EHMT1: variants seen among roughly 807,000 people sequenced by gnomAD.
EHMT1 encodes euchromatic histone lysine methyltransferase 1.
A neutral mutation model predicts 147.2 loss-of-function variants in EHMT1; 15 were observed. The observed-to-expected ratio is 0.10, with a 90% CI of 0.07 to 0.16. The LOEUF is 0.16. EHMT1 is among the 10% of genes least tolerant of loss of function. The pLI, the probability that EHMT1 is intolerant of heterozygous loss-of-function variation, is 1.00. For synonymous variants in EHMT1, 795 were observed against 709.6 expected, an observed-to-expected ratio of 1.12 and a Z score of -1.91; for missense variants, 1,587 against 1,772.4, an observed-to-expected ratio of 0.90 and a Z score of 1.88.
At chr9:137,814,311 G>T in intron 21 of EHMT1, 120 bp from the exon 22 acceptor site, 1 of 1,053,176 alleles carries the variant, frequency 9.5e-7, no homozygotes, top group Admixed American at 1.7e-5. Context: ...CTCACGTGGT[G>T]CCTTTGAGAA....
intron 1 of EHMT1, among the ~76,000 whole-genome samples, chr9:137,647,051 A>G (rs1349762951): frequency 6.6e-6 from 1 of 152,072 alleles, no homozygotes; most frequent in Non-Finnish European, 1.5e-5. Flanking sequence ...AGCAAAAAAA[A>G]CCTGGGATTA....
rs1393360591 is a variant in EHMT1, at chr9:137,787,623, G to A, written c.2383-3225G>A. On this transcript the variant is annotated intron_variant, in intron 15 of 26. Coordinates refer to ENST00000460843, the MANE Select transcript of EHMT1 (RefSeq NM_024757.5). The surrounding 1 kb of genome is among the most constrained non-coding windows in gnomAD (Gnocchi z 4.2). ...CGCCTTGGCTCCCTGGCAACAAGCTGGGGGTGGAAGCGGGAGGGAGGAGGG... is the reference window on the plus strand; with the variant it reads ...CGCCTTGGCTCCCTGGCAACAAGCTAGGGGTGGAAGCGGGAGGGAGGAGGG... 14 of 526,620 alleles carry A rather than the reference G, an allele frequency of 2.7e-5. No individual in the cohort carries two copies. Among genetic ancestry groups the A allele is most frequent in the African/African-American group, 2.5e-4 (13 of 52,140 alleles). 32.6% of individuals were successfully genotyped at this position (526,620 alleles called of 1,614,324 possible).
Position 137,813,184 on chromosome 9 carries a change from C to A in EHMT1, c.3035+11C>A. Reference sequence around the variant, plus strand: ...GAGGATAGTGAGCAGGTGAGCCCAGCCCCAGGACGGCTTTGTGGCAAATCA... The same window carrying A: ...GAGGATAGTGAGCAGGTGAGCCCAGACCCAGGACGGCTTTGTGGCAAATCA... On this transcript the variant is annotated intron_variant, in intron 20 of 26. Coordinates refer to ENST00000460843, the MANE Select transcript of EHMT1 (RefSeq NM_024757.5). The surrounding 1 kb of genome is among the most constrained non-coding windows in gnomAD (Gnocchi z 4.9). 3 of 1,606,858 alleles carry A rather than the reference C, an allele frequency of 1.9e-6. No individual in the cohort carries two copies. Among genetic ancestry groups the A allele is most frequent in the East Asian group, 2.2e-5 (1 of 44,874 alleles).
intron 1 of EHMT1, among the ~76,000 whole-genome samples, chr9:137,682,177 T>C (rs1231746169): frequency 1.3e-5 from 2 of 152,136 alleles, no homozygotes; most frequent in African/African-American, 4.8e-5. Flanking sequence ...CTCAATCTCC[T>C]GACCTCATGA....
intron 6 of EHMT1, chr9:137,748,035 A>G (rs1259430515): frequency 6.6e-6 from 1 of 151,884 alleles, no homozygotes; most frequent in Non-Finnish European, 1.5e-5. Context: ...ATTTATTTAT[A>G]TTATTAGTTA....
At chr9:137,711,375 T>TA (rs1944702968) in intron 2 of EHMT1, among the ~76,000 whole-genome samples, 1 of 152,124 alleles carries the variant, frequency 6.6e-6, no homozygotes, top group African/African-American at 2.4e-5. Flanking sequence ...CCTCAGTTGA[T>TA]AAGGAACTGG....
intron 3 of EHMT1, among the ~76,000 whole-genome samples, chr9:137,720,321 T>A (rs948291867): frequency 6.6e-6 from 1 of 152,034 alleles, no homozygotes; most frequent in East Asian, 1.9e-4. Flanking sequence ...CTTTTTTTTT[T>A]AAGACAGGAT....
At chr9:137,735,574 A>G (rs1307189384) in intron 4 of EHMT1, among the ~76,000 whole-genome samples, 1 of 152,232 alleles carries the variant, frequency 6.6e-6, no homozygotes, top group Non-Finnish European at 1.5e-5. Flanking sequence ...TAAACAGATG[A>G]AGATTTCCAA....
intron 18 of EHMT1, chr9:137,802,883 C>T: frequency 1.6e-6 from 2 of 1,232,226 alleles, no homozygotes; most frequent in Non-Finnish European, 2.0e-6. Flanking sequence ...AGAGAGGAGC[C>T]CTGAGCCGGC....
chr9:137,775,333 C>T lies in EHMT1; in HGVS notation c.1791+81C>T. 6.4e-7 allele frequency: 1 copy of T among 1,564,868 alleles called. No homozygotes were observed. Among genetic ancestry groups the T allele is most frequent in the South Asian group, 1.1e-5 (1 of 87,782 alleles). ...CTGGTGCTGGTTCCTGTCCTGTGTC[C>T]ACCTGCTGTCGGGTGGTCCAGCAGC... On this transcript the variant is annotated intron_variant, in intron 11 of 26. Transcript: ENST00000460843. This position sits in a 1 kb window ranked among gnomAD's most constrained non-coding sequence, Gnocchi z 6.1.
chr9:137,740,168 A>T (rs1249389082), intron 4 of EHMT1, among the ~76,000 whole-genome samples: 1 of 152,016 alleles, frequency 6.6e-6, no homozygotes, highest in African/African-American at 2.4e-5. Context: ...GCAGCTGGGC[A>T]GTGCCCACCC....
chr9:137,634,868 A>ATTTTTTT (rs781056803), intron 1 of EHMT1, among the ~76,000 whole-genome samples: 95 of 92,054 alleles, frequency 1.0e-3, no homozygotes, highest in African/African-American at 4.0e-3. Context: ...TGCCCAGCTA[A>ATTTTTTT]TTTTTTTTTT....
intron 21 of EHMT1, 128 bp from the exon 22 acceptor site, chr9:137,814,303 C>A: frequency 1.0e-6 from 1 of 969,244 alleles, no homozygotes; most frequent in Non-Finnish European, 1.6e-6. Context: ...GCCACACACT[C>A]ACGTGGTGCC....
intron 1 of EHMT1, among the ~76,000 whole-genome samples, chr9:137,701,286 TC>T (rs1943802236): frequency 1.4e-5 from 2 of 146,036 alleles, no homozygotes; most frequent in Non-Finnish European, 1.5e-5. Context: ...TTTTTTTTTT[TC>T]TCTTGTTTTT....
At chr9:137,826,114 T>C (rs1320626217) in intron 25 of EHMT1, among the ~76,000 whole-genome samples, 2 of 135,922 alleles carry the variant, frequency 1.5e-5, no homozygotes, top group Non-Finnish European at 3.1e-5. Context: ...GTGGCGTCAG[T>C]GCTGTGTTGT....
intron 25 of EHMT1, 97 bp downstream of exon 25, chr9:137,818,235 T>G: frequency 2.9e-6 from 4 of 1,374,710 alleles, no homozygotes; most frequent in Non-Finnish European, 3.1e-6. Context: ...AAGAGAGCTC[T>G]TACTGTTGAC....
At chr9:137,742,814 G>A (rs988995974) in intron 4 of EHMT1, 2 of 177,102 alleles carry the variant, frequency 1.1e-5, no homozygotes, top group Admixed American at 1.1e-4. Context: ...GGGCCTAGGA[G>A]GATGGTGTCT....
chr9:137,745,817 C>CT (rs1196404261), intron 6 of EHMT1: 4 of 325,974 alleles, frequency 1.2e-5, no homozygotes, highest in African/African-American at 8.5e-5. Context: ...CAGGCCACCT[C>CT]TGACTGTATC....
At position 137,751,622 on chromosome 9, in the gene EHMT1, G is replaced by A. The variant is rs368262508; in HGVS notation, c.1171-709G>A. Among the ~76,000 whole-genome samples the A allele has an allele frequency of 1.1e-4, 17 of 152,228 alleles. No individual in the cohort carries two copies. In the East Asian group the frequency reaches 2.9e-3, roughly 26 times the overall value. ...TGTCTTTTGCACTGAACGTCTATTTGCGTATTGCCTGTGCTTATAGAAAAG... is the reference window on the plus strand; with the variant it reads ...TGTCTTTTGCACTGAACGTCTATTTACGTATTGCCTGTGCTTATAGAAAAG... On this transcript the variant is annotated intron_variant, in intron 6 of 26. Transcript: ENST00000460843.
Sources: gnomAD v4.1 joint callset for allele counts (sites outside exome capture counted in the v4.1 genomes callset) on GRCh38, gnomAD v4.1.1 for gene constraint, Gnocchi (gnomAD v3.1) non-coding constraint, MANE v1.5 for transcripts, NCBI Gene and HGNC (gene_info 2026-07-23, HGNC 2026-07-21) for gene names.